AARS1: variants seen among roughly 807,000 people sequenced by gnomAD.
AARS1 encodes the protein alanyl-tRNA synthetase 1, also known as alanine--tRNA ligase, cytoplasmic.
AARS1 carries 72 observed loss-of-function variants against 108.9 expected under a neutral mutation model. The observed-to-expected ratio is 0.66, with a 90% CI of 0.55 to 0.80. The LOEUF is 0.80. Ranked by LOEUF, AARS1 falls within the 30% of genes least tolerant of loss-of-function variation. AARS1 has a pLI of 0.00. For missense variants in AARS1, 1,193 were observed against 1,233.2 expected (o/e 0.97, Z 0.49); for synonymous variants, 489 against 465.7 (o/e 1.05, Z -0.64).
chr16:70,265,320 C>G, intron 10 of AARS1: 1 of 916,816 alleles, frequency 1.1e-6, no homozygotes, highest in Non-Finnish European at 1.7e-6. Flanking sequence ...AAGTACGTGA[C>G]AGCAGGATCT....
Position 70,289,474 on chromosome 16 carries a change from C to T in AARS1, c.-75G>A. 1 of 433,894 alleles carries T rather than the reference C, an allele frequency of 2.3e-6. No homozygotes were observed. The highest frequency in any genetic ancestry group is 4.6e-6 in the Non-Finnish European group (1 of 215,060). The allele number at this position is 433,894 out of a possible 1,614,324, so 26.9% of individuals were successfully genotyped here. On this transcript the variant is annotated 5_prime_UTR_variant, in exon 1 of 21. Coordinates refer to ENST00000261772, the MANE Select transcript of AARS1 (RefSeq NM_001605.3). ...TCCCTCAGAGTCCCCCGCCAAGGGCCCGCTGCACCTATTCCCGCAGACGCG... is the reference window on the plus strand; with the variant it reads ...TCCCTCAGAGTCCCCCGCCAAGGGCTCGCTGCACCTATTCCCGCAGACGCG...
Position 70,262,422 on chromosome 16 carries a change from G to A in AARS1, c.1595C>T (p.Thr532Ile). Residue 532 changes from threonine (T) to isoleucine (I), a missense_variant, in exon 12 of 21, where the codon ACC becomes ATC. By Grantham distance (89) the Thr-to-Ile change is moderately conservative. Coordinates refer to ENST00000261772, the MANE Select transcript of AARS1 (RefSeq NM_001605.3). ...GQECGVVLDK[T>I]CFYAEQGGQI... ...GCCTCCTTGCTCAGCATAGAAACAGGTCTTGTCCAGCACCACTCCACACTC... is the reference window on the plus strand; with the variant it reads ...GCCTCCTTGCTCAGCATAGAAACAGATCTTGTCCAGCACCACTCCACACTC... The A allele has an allele frequency of 6.2e-7, 1 of 1,614,130 alleles. No homozygotes were observed.
Position 70,258,218 on chromosome 16 carries a change from C to T in AARS1, c.1993-1G>A, listed in dbSNP as rs1037071978. 1 of 1,586,540 alleles carries T rather than the reference C, an allele frequency of 6.3e-7. No individual in the cohort carries two copies. Among genetic ancestry groups the T allele is most frequent in the Non-Finnish European group, 8.6e-7 (1 of 1,165,390 alleles). ...GGGGGCAATCCTGGGTATAGACGGCCTGCCAGACCAAGAAGACAGAAAAGA... is the reference window on the plus strand; with the variant it reads ...GGGGGCAATCCTGGGTATAGACGGCTTGCCAGACCAAGAAGACAGAAAAGA... On this transcript the variant is annotated splice_acceptor_variant, in intron 14 of 20. Coordinates refer to ENST00000261772, the MANE Select transcript of AARS1 (RefSeq NM_001605.3). LOFTEE classifies it high-confidence loss of function.
At chr16:70,267,366 GAA>G (rs1271070576) in intron 9 of AARS1, among the ~76,000 whole-genome samples, 4 of 151,640 alleles carry the variant, frequency 2.6e-5, no homozygotes, top group Admixed American at 2.6e-4. Flanking sequence ...GAAGAATCCT[GAA>G]GAGTTCTACA....
chr16:70,257,721 A>T (rs1307711604), intron 15 of AARS1, among the ~76,000 whole-genome samples: 2 of 152,216 alleles, frequency 1.3e-5, no homozygotes, highest in Admixed American at 6.5e-5. Flanking sequence ...GCCTTGCTGA[A>T]TCCCAAATTC....
intron 7 of AARS1, among the ~76,000 whole-genome samples, chr16:70,268,653 C>T (rs1033786935): frequency 1.3e-5 from 2 of 152,154 alleles, no homozygotes; most frequent in African/African-American, 4.8e-5. Flanking sequence ...CAGATGTGTA[C>T]TTGATGCCTG....
At chr16:70,265,803 TC>T in intron 9 of AARS1, 141 bp from the exon 10 acceptor site, 1 of 802,476 alleles carries the variant, frequency 1.2e-6, no homozygotes, top group Admixed American at 2.4e-5. Context: ...CATCAGAAAA[TC>T]CAGCACATCT....
rs182504474 is a variant in AARS1, at chr16:70,260,474, C to A, written c.1785+570G>T. ...TCTTCATTCTTCAGCATCCTTGGCTCCCAAAGAAGTAGGTGACGTTAGAAA... is the reference window on the plus strand; with the variant it reads ...TCTTCATTCTTCAGCATCCTTGGCTACCAAAGAAGTAGGTGACGTTAGAAA... On this transcript the variant is annotated intron_variant, in intron 13 of 20. Coordinates refer to ENST00000261772, the MANE Select transcript of AARS1 (RefSeq NM_001605.3). 1.1e-3 allele frequency among the ~76,000 whole-genome samples: 175 copies of A among 152,246 alleles called. 2 individuals are homozygous for A. Among genetic ancestry groups the A allele is most frequent in the Admixed American group, 0.011 (175 of 15,286 alleles).
rs1036069166 is a variant in AARS1, at chr16:70,259,326, A to G, written c.1786-140T>C. ...AAAGGTTACATTTCCCAGCTTCCCT[A>G]TGGCTAAGTGTGTCCATGTGACTAA... is the stretch of plus-strand genomic sequence containing the variant. On this transcript the variant is annotated intron_variant, in intron 13 of 20. Coordinates refer to ENST00000261772, the MANE Select transcript of AARS1 (RefSeq NM_001605.3). The G allele has an allele frequency of 6.5e-5, 58 of 892,088 alleles. No individual in the cohort carries two copies. The Middle Eastern group carries it at 2.0e-3, about 31-fold the overall frequency. The allele number at this position is 892,088 out of a possible 1,614,324, so 55.3% of individuals were successfully genotyped here. A position where few individuals can be genotyped will look rare whatever the true frequency, so the allele number is the denominator to read the frequency against.
At position 70,258,066 on chromosome 16, in the gene AARS1, C is replaced by A. The variant is rs757357575; in HGVS notation, c.2144G>T (p.Gly715Val). The A allele has an allele frequency of 1.2e-6, 2 of 1,614,140 alleles. No individual in the cohort carries two copies. The highest frequency in any genetic ancestry group is 1.7e-5 in the Admixed American group (1 of 60,016). The change falls in exon 15 of 21, where the codon GGC becomes GTC. Residue 715 changes from glycine to valine, a missense_variant. Coordinates refer to ENST00000261772, the MANE Select transcript of AARS1 (RefSeq NM_001605.3). ...ELLDDPSGPAGSLTSVEFCGG... is the reference protein window; with the variant it reads ...ELLDDPSGPAVSLTSVEFCGG... ...ACAGAACTCAACAGAAGTCAGGGAG[C>A]CAGCAGGCCCAGAGGGGTCATCCAG...
At position 70,266,187 on chromosome 16, in the gene AARS1, G is replaced by A. The variant is rs979183445; in HGVS notation, c.1223-525C>T. 2.0e-4 allele frequency among the ~76,000 whole-genome samples: 31 copies of A among 152,008 alleles called. No individual in the cohort carries two copies. In the Middle Eastern group the frequency reaches 0.014, roughly 67 times the overall value. On this transcript the variant is annotated intron_variant, in intron 9 of 20. Transcript: ENST00000261772. ...AAATTAGCCGGGCATGGTGGCGGGC[G>A]CCTGTAGTCCCAGCTACTCGGGAGG...
intron 9 of AARS1, among the ~76,000 whole-genome samples, 160 bp from the exon 10 acceptor site, chr16:70,265,822 T>C (rs1328480976): frequency 6.6e-6 from 1 of 152,208 alleles, no homozygotes; most frequent in East Asian, 1.9e-4. Context: ...TCTTTTTCAG[T>C]TAACCTGGGG....
chr16:70,276,827 G>C (rs1960563524), intron 3 of AARS1, 139 bp downstream of exon 3: 3 of 1,197,796 alleles, frequency 2.5e-6, no homozygotes, highest in Admixed American at 2.0e-5. Flanking sequence ...GGAAGTCTTA[G>C]AATTAATAAA....
intron 9 of AARS1, among the ~76,000 whole-genome samples, chr16:70,266,599 G>C (rs1960269521): frequency 6.6e-6 from 1 of 151,166 alleles, no homozygotes; most frequent in African/African-American, 2.4e-5. Flanking sequence ...TCGGCTCATT[G>C]CACTCTCCAG....
At chr16:70,258,570 CT>C (rs1165944583) in intron 14 of AARS1, among the ~76,000 whole-genome samples, 1,921 of 147,150 alleles carry the variant, frequency 0.013, 31 homozygotes, top group African/African-American at 0.042. Context: ...TTTAAACAAA[CT>C]TTTTTTTTTT....
At chr16:70,284,280 T>C (rs959615989) in intron 1 of AARS1, among the ~76,000 whole-genome samples, 2 of 148,340 alleles carry the variant, frequency 1.3e-5, no homozygotes, top group Non-Finnish European at 1.5e-5. Context: ...CACTCCAGCC[T>C]GGGTGACAGA....
At chr16:70,283,242 CA>C (rs1960748330) in intron 1 of AARS1, among the ~76,000 whole-genome samples, 1 of 151,894 alleles carries the variant, frequency 6.6e-6, no homozygotes, top group Admixed American at 6.6e-5. Flanking sequence ...ACTAAAAATA[CA>C]AAAAGTAACT....
In AARS1 at chr16:70,255,649, A is replaced by C. The variant is rs192916434; in HGVS notation, c.2286+79T>G. ...TCTGACTGCAGCAGCCACGCAGAGC[A>C]GTGTTTGCTCTATGGATTCGCAGAC... On this transcript the variant is annotated intron_variant, in intron 16 of 20. Transcript: ENST00000261772. 1.3e-4 allele frequency: 161 copies of C among 1,254,060 alleles called. No individual in the cohort carries two copies. In the East Asian group the frequency reaches 3.7e-3, roughly 29 times the overall value. 77.7% of individuals were successfully genotyped at this position (1,254,060 alleles called of 1,614,324 possible). A position where few individuals can be genotyped will look rare whatever the true frequency, so the allele number is the denominator to read the frequency against.
intron 11 of AARS1, among the ~76,000 whole-genome samples, chr16:70,263,903 C>A (rs1960204516): frequency 6.6e-6 from 1 of 152,104 alleles, no homozygotes; most frequent in Non-Finnish European, 1.5e-5. Context: ...TCCCGAAGTG[C>A]TGGGATTACA....
Sources: allele counts gnomAD v4.1 joint callset (sites outside exome capture counted in the v4.1 genomes callset), GRCh38; gene constraint gnomAD v4.1.1; transcripts MANE v1.5; gene names NCBI Gene and HGNC (gene_info 2026-07-23, HGNC 2026-07-21).